The following SLC35A1 variants were observed in gnomAD, a reference collection of about 807,000 sequenced individuals.
SLC35A1 encodes CMP-sialic acid transporter.
Under a neutral mutation model 40.3 loss-of-function variants are expected in SLC35A1, and 21 were observed. That is an observed-to-expected ratio of 0.52 (90% CI 0.37 to 0.75). SLC35A1 has a LOEUF of 0.75. Among genes scored for constraint, SLC35A1 ranks in the 30% least tolerant of loss-of-function variants. SLC35A1 has a pLI of 0.00. For synonymous variants in SLC35A1, 146 were observed against 147.3 expected (o/e 0.99, Z 0.06); for missense variants, 297 against 382.1 (o/e 0.78, Z 1.86).
chr6:87,485,526 G>A (rs767301769), intron 2 of SLC35A1, among the ~76,000 whole-genome samples: 1 of 152,092 alleles, frequency 6.6e-6, no homozygotes, highest in Admixed American at 6.5e-5. Flanking sequence ...GCAGTTTAGA[G>A]GCCAAGGTAG....
At chr6:87,489,361 C>T (rs1274732805) in intron 2 of SLC35A1, among the ~76,000 whole-genome samples, 1 of 151,760 alleles carries the variant, frequency 6.6e-6, no homozygotes, top group African/African-American at 2.4e-5. Context: ...TTAGTTCTTG[C>T]AGGAATTGAT....
intron 4 of SLC35A1, among the ~76,000 whole-genome samples, chr6:87,502,301 A>G (rs1322666794): frequency 6.6e-6 from 1 of 152,212 alleles, no homozygotes; most frequent in Non-Finnish European, 1.5e-5. Context: ...TCTAAGTAAT[A>G]CGAGGCACAG....
chr6:87,501,068 T>C (rs1053345999), intron 3 of SLC35A1, 90 bp from the exon 4 acceptor site: 10 of 1,271,736 alleles, frequency 7.9e-6, no homozygotes, highest in Non-Finnish European at 1.1e-5. Context: ...ATATTTTTTA[T>C]TGATAATTTT....
chr6:87,508,024 A>G (rs1770140530), intron 5 of SLC35A1, among the ~76,000 whole-genome samples: 1 of 152,118 alleles, frequency 6.6e-6, no homozygotes, highest in Non-Finnish European at 1.5e-5. Context: ...TAGTAGGCAG[A>G]TATTACAGGG....
intron 2 of SLC35A1, among the ~76,000 whole-genome samples, chr6:87,499,679 T>G (rs1769857562): frequency 6.6e-6 from 1 of 152,210 alleles, no homozygotes; most frequent in Non-Finnish European, 1.5e-5. Context: ...ATGAGAATAT[T>G]CTTACATAAG....
rs763734110 is a variant in SLC35A1, at chr6:87,472,982, C to T, written c.-22C>T. 7 of 662,632 alleles carry T rather than the reference C, an allele frequency of 1.1e-5. No individual in the cohort carries two copies. The highest frequency in any genetic ancestry group is 2.6e-5 in the South Asian group (1 of 39,102). The allele number at this position is 662,632 out of a possible 1,614,324, so 41.0% of individuals were successfully genotyped here. A position where few individuals can be genotyped will look rare whatever the true frequency, so the allele number is the denominator to read the frequency against. On this transcript the variant is annotated 5_prime_UTR_variant, in exon 1 of 8. Transcript: ENST00000369552. ...GCGCGGAGGGGGCGGGCGTCAGTTC[C>T]GCGGGGGGCTGTCGGGGAACCATGG... is the stretch of plus-strand genomic sequence containing the variant.
At chr6:87,502,096 TATC>T (rs1365376304) in intron 4 of SLC35A1, among the ~76,000 whole-genome samples, 7 of 152,186 alleles carry the variant, frequency 4.6e-5, no homozygotes, top group African/African-American at 1.7e-4. Context: ...TTGTGAACAG[TATC>T]ATATCCCCAC....
rs951809619 is a variant in SLC35A1, at chr6:87,473,248, T to A, written c.16+229T>A. On this transcript the variant is annotated intron_variant, in intron 1 of 7. Transcript: ENST00000369552. Reference sequence around the variant, plus strand: ...TGACTCCGCGCTGGGCAGGTCGGAGTCAGAGACCGCACTGACCTCCACTAG... The same window carrying A: ...TGACTCCGCGCTGGGCAGGTCGGAGACAGAGACCGCACTGACCTCCACTAG... Among the ~76,000 whole-genome samples the A allele has an allele frequency of 7.9e-5, 12 of 151,958 alleles. No homozygotes were observed. The East Asian group carries it at 1.8e-3, about 22-fold the overall frequency.
rs747644865 is a variant in SLC35A1 at position 87,511,379 on chromosome 6, AT to A, written c.887-9del. ...TAAAGACACACATACAGATAAAGCT[AT>A]TTTTTTTTTTCTTTTCAGCACTCAC... On this transcript the variant is annotated intron_variant, in intron 7 of 7. Transcript: ENST00000369552. The A allele has an allele frequency of 0.011, 12,957 of 1,179,194 alleles. 54 individuals are homozygous for A. The highest frequency in any genetic ancestry group is 0.049 in the African/African-American group (3,168 of 65,112). The allele number at this position is 1,179,194 out of a possible 1,614,324, so 73.0% of individuals were successfully genotyped here.
chr6:87,483,628 C>T (rs528419919), intron 2 of SLC35A1, among the ~76,000 whole-genome samples: 29 of 152,128 alleles, frequency 1.9e-4, no homozygotes, highest in Non-Finnish European at 3.1e-4. Context: ...ACCCCTCAAA[C>T]CAGGGATGTC....
chr6:87,493,704 GAAGT>G (rs1453095566), intron 2 of SLC35A1, among the ~76,000 whole-genome samples: 1 of 152,160 alleles, frequency 6.6e-6, no homozygotes, highest in African/African-American at 2.4e-5. Context: ...ACTACTAACT[GAAGT>G]ATGTATTTGT....
At position 87,491,836 on chromosome 6, in the gene SLC35A1, A is replaced by C. The variant is rs145121287; in HGVS notation, c.195-8672A>C. Reference sequence around the variant, plus strand: ...GCTCTGGCCTTTTCCTCTTCTTATAAGGCACTAATTCCATCATGAGGACTC... The same window carrying C: ...GCTCTGGCCTTTTCCTCTTCTTATACGGCACTAATTCCATCATGAGGACTC... On this transcript the variant is annotated intron_variant, in intron 2 of 7. Coordinates refer to ENST00000369552, the MANE Select transcript of SLC35A1 (RefSeq NM_006416.5). 1.6e-4 allele frequency among the ~76,000 whole-genome samples: 24 copies of C among 152,270 alleles called. No individual in the cohort carries two copies. The East Asian group carries it at 4.6e-3, about 29-fold the overall frequency.
chr6:87,500,516 G>A lies in SLC35A1; in HGVS notation c.203G>A (p.Gly68Asp). ...CCCTTTTGTTTTCAAAGAGAAACTG[G>A]TAGTCTGGGTAGATTCAAAGCATCT... ...LSVGILAKET[G>D]SLGRFKASLR... Residue 68 changes from glycine (G) to aspartate (D), a missense_variant, in exon 3 of 8, where the codon GGT becomes GAT. By Grantham distance (94) the Gly-to-Asp change is moderately conservative. Transcript: ENST00000369552. 6.2e-7 allele frequency: 1 copy of A among 1,613,988 alleles called. No individual in the cohort carries two copies. Among genetic ancestry groups the A allele is most frequent in the East Asian group, 2.2e-5 (1 of 44,862 alleles).
rs548357132 is a variant in SLC35A1, at chr6:87,497,159, C to A, written c.195-3349C>A. Among the ~76,000 whole-genome samples the A allele has an allele frequency of 1.3e-4, 19 of 150,410 alleles. No individual in the cohort carries two copies. In the South Asian group the frequency reaches 2.9e-3, roughly 23 times the overall value. On this transcript the variant is annotated intron_variant, in intron 2 of 7. Transcript: ENST00000369552. Reference sequence around the variant, plus strand: ...ATCTCCTCTACTTTCTGATACTTTTCTGTTATTCTCTTTTACTAGTTCTTT... The same window carrying A: ...ATCTCCTCTACTTTCTGATACTTTTATGTTATTCTCTTTTACTAGTTCTTT...
chr6:87,479,545 A>G (rs1316906320), intron 2 of SLC35A1, among the ~76,000 whole-genome samples: 1 of 152,226 alleles, frequency 6.6e-6, no homozygotes, highest in East Asian at 1.9e-4. Flanking sequence ...CAGACCTTGC[A>G]ATGCCTTTGT....
At chr6:87,497,405 CAA>C (rs1769762479) in intron 2 of SLC35A1, among the ~76,000 whole-genome samples, 1 of 152,096 alleles carries the variant, frequency 6.6e-6, no homozygotes, top group Non-Finnish European at 1.5e-5. Flanking sequence ...AGGATATGGC[CAA>C]AAGAGACAGA....
At chr6:87,508,241 T>C (rs1770148094) in intron 5 of SLC35A1, among the ~76,000 whole-genome samples, 179 bp from the exon 6 acceptor site, 1 of 152,146 alleles carries the variant, frequency 6.6e-6, no homozygotes, top group Non-Finnish European at 1.5e-5. Context: ...AACATAAATT[T>C]ATAATGTACA....
At chr6:87,487,171 G>A (rs1161554168) in intron 2 of SLC35A1, among the ~76,000 whole-genome samples, 9 of 152,068 alleles carry the variant, frequency 5.9e-5, no homozygotes, top group Middle Eastern at 6.8e-3. Flanking sequence ...GCAAGACTCC[G>A]TCTCAAAAGA....
chr6:87,473,050 T>G (rs1768960905), intron 1 of SLC35A1, 31 bp downstream of exon 1: 1 of 518,236 alleles, frequency 1.9e-6, no homozygotes, highest in Non-Finnish European at 3.1e-6. Context: ...GAGTGGGGAG[T>G]CCGCGGGGGG....
Sources: gnomAD v4.1 joint callset for allele counts (sites outside exome capture counted in the v4.1 genomes callset) on GRCh38, gnomAD v4.1.1 for gene constraint, MANE v1.5 for transcripts, NCBI Gene and HGNC (gene_info 2026-07-23, HGNC 2026-07-21) for gene names.